The following MAPK10 variants were observed in gnomAD, a reference collection of about 807,000 sequenced individuals.
The protein encoded by MAPK10 is mitogen-activated protein kinase 10.
In MAPK10, 25 loss-of-function variants were observed where a neutral mutation model predicts 59.3. The observed-to-expected ratio is 0.42, with a 90% confidence interval of 0.31 to 0.59. MAPK10 has a LOEUF of 0.59. Ranked by LOEUF, MAPK10 falls within the 20% of genes least tolerant of loss-of-function variation. The pLI is 0.15. For missense variants in MAPK10, 351 were observed against 568.9 expected (o/e 0.62, Z 3.90); for synonymous variants, 190 against 200.5 (o/e 0.95, Z 0.44).
At chr4:86,293,470 AC>A (rs1016787248) in intron 2 of MAPK10, among the ~76,000 whole-genome samples, 1 of 152,148 alleles carries the variant, frequency 6.6e-6, no homozygotes, top group African/African-American at 2.4e-5. Flanking sequence ...AATACTAGTA[AC>A]CCTGCTTATA....
At chr4:86,171,353 C>A (rs568774612) in intron 3 of MAPK10, among the ~76,000 whole-genome samples, 1 of 151,998 alleles carries the variant, frequency 6.6e-6, no homozygotes, top group South Asian at 2.1e-4. Flanking sequence ...AGAATCAAAA[C>A]TTTTGGTACT....
chr4:86,198,496 A>G (rs1284421179), intron 2 of MAPK10, among the ~76,000 whole-genome samples: 1 of 152,014 alleles, frequency 6.6e-6, no homozygotes. Flanking sequence ...TATTCATAAA[A>G]CTGTCAAAGG....
chr4:86,240,932 ATT>A (rs1280763772), intron 2 of MAPK10, among the ~76,000 whole-genome samples: 1 of 152,030 alleles, frequency 6.6e-6, no homozygotes, highest in East Asian at 1.9e-4. Flanking sequence ...TCATAGTGTC[ATT>A]GGTCTTTATA....
At chr4:86,544,051 A>G (rs576239602) in intron 1 of MAPK10, among the ~76,000 whole-genome samples, 1 of 152,328 alleles carries the variant, frequency 6.6e-6, no homozygotes, top group East Asian at 1.9e-4. Context: ...TGTCCAATAT[A>G]GTGTTGCTCA....
chr4:86,056,228 A>C (rs1257670359), intron 11 of MAPK10, among the ~76,000 whole-genome samples: 1 of 150,238 alleles, frequency 6.7e-6, no homozygotes, highest in Non-Finnish European at 1.5e-5. Flanking sequence ...CAAACTAACC[A>C]ATTTAATAAA....
At chr4:86,233,412 C>T (rs898242136) in intron 2 of MAPK10, among the ~76,000 whole-genome samples, 1 of 152,032 alleles carries the variant, frequency 6.6e-6, no homozygotes, top group Non-Finnish European at 1.5e-5. Flanking sequence ...AAAATATAAA[C>T]TCTCTGACTG....
intron 3 of MAPK10, among the ~76,000 whole-genome samples, chr4:86,185,235 C>A (rs1222894405): frequency 6.6e-6 from 1 of 152,050 alleles, no homozygotes; most frequent in Admixed American, 6.6e-5. Context: ...AAATTCCAGA[C>A]CAGCAACATA....
chr4:86,079,637 C>T (rs1029195310), intron 9 of MAPK10: 3 of 152,014 alleles, frequency 2.0e-5, no homozygotes, highest in Non-Finnish European at 4.4e-5. Context: ...ATATTAAAGT[C>T]CTTTTCAATT....
chr4:86,506,371 T>C (rs372421958), intron 1 of MAPK10, among the ~76,000 whole-genome samples: 2 of 152,122 alleles, frequency 1.3e-5, no homozygotes, highest in South Asian at 2.1e-4. Context: ...TTGGTTCAAA[T>C]TGTATTTTTG....
chr4:86,098,665 GA>G, intron 8 of MAPK10, 70 bp from the exon 9 acceptor site: 1 of 1,225,428 alleles, frequency 8.2e-7, no homozygotes. Flanking sequence ...ATTGACTTCT[GA>G]AGGAGGAGGA....
At chr4:86,288,959 G>C (rs1056917370) in intron 2 of MAPK10, among the ~76,000 whole-genome samples, 1 of 150,200 alleles carries the variant, frequency 6.7e-6, no homozygotes, top group African/African-American at 2.4e-5. Flanking sequence ...GCCCTAAATA[G>C]GCAACAGAAA....
chr4:86,348,894 T>C (rs1729687384), intron 2 of MAPK10, among the ~76,000 whole-genome samples: 1 of 152,176 alleles, frequency 6.6e-6, no homozygotes, highest in African/African-American at 2.4e-5. Flanking sequence ...GGCAAAACAC[T>C]ATAATTTTTC....
chr4:86,344,625 T>TGAGG lies in MAPK10; in HGVS notation c.-7+9901_-7+9904dup, dbSNP rs553740384. Among the ~76,000 whole-genome samples, 935 of 140,336 alleles carry TGAGG rather than the reference T, an allele frequency of 6.7e-3. 1 individual carries two copies. Among genetic ancestry groups the TGAGG allele is most frequent in the Non-Finnish European group, 0.011 (695 of 65,048 alleles). 92.1% of individuals were successfully genotyped at this position (140,336 alleles called of 152,430 possible). A position where few individuals can be genotyped will look rare whatever the true frequency, so the allele number is the denominator to read the frequency against. On this transcript the variant is annotated intron_variant, in intron 2 of 13. Transcript: ENST00000641462. ...GGGAGGGAGGGAAGAAGTGAGGGAG[T>TGAGG]GAGGGAGGGAGGAAGGAAGGGAAGC...
intron 1 of MAPK10, among the ~76,000 whole-genome samples, chr4:86,432,020 A>G (rs1023887943): frequency 6.6e-6 from 1 of 152,180 alleles, no homozygotes; most frequent in African/African-American, 2.4e-5. Context: ...GAAATCCAAA[A>G]GGAGAGGCAG....
intron 2 of MAPK10, among the ~76,000 whole-genome samples, chr4:86,197,961 T>C (rs192725552): frequency 1.6e-3 from 240 of 152,234 alleles, no homozygotes; most frequent in African/African-American, 5.5e-3. Flanking sequence ...CATGGGAACC[T>C]GATTATGTCA....
At chr4:86,288,694 T>C (rs2095114734) in intron 2 of MAPK10, among the ~76,000 whole-genome samples, 1 of 152,012 alleles carries the variant, frequency 6.6e-6, no homozygotes, top group African/African-American at 2.4e-5. Context: ...CACTGGAAAA[T>C]CAGAGATTAA....
At chr4:86,501,486 T>C (rs1755319452) in intron 1 of MAPK10, among the ~76,000 whole-genome samples, 1 of 152,082 alleles carries the variant, frequency 6.6e-6, no homozygotes, top group African/African-American at 2.4e-5. Flanking sequence ...TGTATCCTAG[T>C]GTTTCCTTGC....
At chr4:86,290,431 C>G (rs1329856049) in intron 2 of MAPK10, among the ~76,000 whole-genome samples, 2 of 152,228 alleles carry the variant, frequency 1.3e-5, no homozygotes, top group African/African-American at 4.8e-5. Flanking sequence ...AAATTACCTA[C>G]TTGGTAATAC....
chr4:86,142,101 A>T (rs1345757971), intron 4 of MAPK10, among the ~76,000 whole-genome samples: 2 of 152,200 alleles, frequency 1.3e-5, no homozygotes, highest in Non-Finnish European at 2.9e-5. Flanking sequence ...TGCACCAAGA[A>T]GTTAATGAGG....
Sources: allele counts gnomAD v4.1 joint callset (sites outside exome capture counted in the v4.1 genomes callset), GRCh38; gene constraint gnomAD v4.1.1; transcripts MANE v1.5; gene names NCBI Gene and HGNC (gene_info 2026-07-23, HGNC 2026-07-21).